Variants in ATP8A1 observed in about 807,000 individuals in gnomAD.
ATP8A1 encodes the protein ATPase phospholipid transporting 8A1.
Under a neutral mutation model 177.7 loss-of-function variants are expected in ATP8A1, and 90 were observed. The ratio of observed to expected loss-of-function variants is 0.51; its 90% CI spans 0.43 to 0.60. ATP8A1 has a LOEUF of 0.60. ATP8A1 is among the 20% of genes least tolerant of loss of function. The pLI, the probability that ATP8A1 is intolerant of heterozygous loss-of-function variation, is 0.00. For missense variants in ATP8A1, 1,072 were observed against 1,392.8 expected (o/e 0.77, Z 3.67); for synonymous variants, 493 against 485.9 (o/e 1.01, Z -0.19).
At chr4:42,513,190 G>A (rs748428452) in intron 22 of ATP8A1, among the ~76,000 whole-genome samples, 3 of 152,026 alleles carry the variant, frequency 2.0e-5, no homozygotes, top group Non-Finnish European at 2.9e-5. Context: ...TTCTCCCTTA[G>A]CCTGGCCTTA....
At chr4:42,436,983 A>T (rs62304290) in intron 33 of ATP8A1, among the ~76,000 whole-genome samples, 29,992 of 152,170 alleles carry the variant, frequency 0.2, 3,146 homozygotes, top group Non-Finnish European at 0.23. Context: ...TTCAACAAAG[A>T]TTTTTATTGT....
chr4:42,476,333 C>T (rs891837914), intron 25 of ATP8A1, among the ~76,000 whole-genome samples: 3 of 152,064 alleles, frequency 2.0e-5, no homozygotes, highest in Admixed American at 6.5e-5. Context: ...ACAGAAGAGG[C>T]GGGGTGCAGT....
Position 42,657,079 on chromosome 4 carries a change from G to C in ATP8A1, c.-206C>G. The C allele has an allele frequency of 2.3e-6, 1 of 428,304 alleles. No individual in the cohort carries two copies. The highest frequency in any genetic ancestry group is 3.9e-6 in the Non-Finnish European group (1 of 256,930). 26.5% of individuals were successfully genotyped at this position (428,304 alleles called of 1,614,324 possible). The stretch of plus-strand genomic sequence containing the variant: ...AGGCAGCGGTGGCGGCGAAGGTGGC[G>C]GCGCCCGCAGAGCTGGGCGAGCTCT... On this transcript the variant is annotated 5_prime_UTR_variant, in exon 1 of 37. Transcript: ENST00000381668.
In ATP8A1 at chr4:42,413,023, AATG is replaced by A; in HGVS notation, c.3398-13_3398-11del. On this transcript the variant is annotated splice_polypyrimidine_tract_variant and intron_variant, in intron 36 of 36. Coordinates refer to ENST00000381668, the MANE Select transcript of ATP8A1 (RefSeq NM_006095.2). ...GAGAACGCATACCCATCTGTAGGTT[AATG>A]ATAAAACAGAAATTCTCACAAAGGC... is the stretch of plus-strand genomic sequence containing the variant. The A allele has an allele frequency of 6.2e-7, 1 of 1,610,320 alleles. No individual in the cohort carries two copies. The highest frequency in any genetic ancestry group is 1.1e-5 in the South Asian group (1 of 90,838).
At chr4:42,472,069 T>A in intron 25 of ATP8A1, 1 of 720,342 alleles carries the variant, frequency 1.4e-6, no homozygotes, top group East Asian at 2.6e-5. Context: ...GAGAAAAAGT[T>A]CAGTGGGAAG....
At chr4:42,477,465 C>A (rs1425470874) in intron 25 of ATP8A1, among the ~76,000 whole-genome samples, 2 of 152,104 alleles carry the variant, frequency 1.3e-5, no homozygotes, top group Non-Finnish European at 2.9e-5. Flanking sequence ...ACGCCACAGC[C>A]AAGCAATCCC....
chr4:42,626,035 CAG>C, intron 2 of ATP8A1: 1 of 170,660 alleles, frequency 5.9e-6, no homozygotes, highest in Non-Finnish European at 1.2e-5. Flanking sequence ...CTCCATAAGA[CAG>C]AGTACAACGT....
chr4:42,610,047 C>T (rs1050269564), intron 5 of ATP8A1, among the ~76,000 whole-genome samples: 1 of 152,080 alleles, frequency 6.6e-6, no homozygotes. Flanking sequence ...GTCCTTTCAC[C>T]CTGCATCACT....
In ATP8A1 at chr4:42,412,968, G is replaced by A; in HGVS notation, c.3443C>T (p.Ser1148Phe). ...SQDENGIVSQ[S>F]EVIRAYDTTK... The stretch of plus-strand genomic sequence containing the variant: ...GGTATCATATGCTCTTATCACTTCA[G>A]ACTGTGAAACGATTCCATTTTCATC... Residue 1148 changes from serine (S) to phenylalanine (F), a missense_variant, in exon 37 of 37, where the codon TCT becomes TTT. By Grantham distance (155) the Ser-to-Phe change is radical. Transcript: ENST00000381668. The A allele has an allele frequency of 1.2e-6, 2 of 1,613,502 alleles. No individual in the cohort carries two copies. Among genetic ancestry groups the A allele is most frequent in the Non-Finnish European group, 1.7e-6 (2 of 1,179,632 alleles).
In ATP8A1 at chr4:42,636,156, A is replaced by ACACACACACACACGCGTGCGCGCGCG. The variant is rs565139270; in HGVS notation, c.50-9048_50-9047insCGCGCGCGCACGCGTGTGTGTGTGTG. 4.5e-3 allele frequency among the ~76,000 whole-genome samples: 411 copies of ACACACACACACACGCGTGCGCGCGCG among 90,950 alleles called. 7 individuals are homozygous for ACACACACACACACGCGTGCGCGCGCG. Among genetic ancestry groups the ACACACACACACACGCGTGCGCGCGCG allele is most frequent in the South Asian group, 0.019 (45 of 2,368 alleles). The allele number at this position is 90,950 out of a possible 152,430, so 59.7% of individuals were successfully genotyped here. On this transcript the variant is annotated intron_variant, in intron 1 of 36. Transcript: ENST00000381668. Reference sequence around the variant, plus strand: ...CACACACACACACACACACACACACACGCACACACACACACATAAGCTTCT... The same window carrying ACACACACACACACGCGTGCGCGCGCG: ...CACACACACACACACACACACACACACACACACACACACGCGTGCGCGCGCGCGCACACACACACACATAAGCTTCT...
chr4:42,528,478 C>T, intron 20 of ATP8A1, among the ~76,000 whole-genome samples: 1 of 152,230 alleles, frequency 6.6e-6, no homozygotes. Context: ...TGGGGAATGA[C>T]AGTGGATTAT....
At chr4:42,449,273 T>C (rs754225813) in intron 30 of ATP8A1, among the ~76,000 whole-genome samples, 4 of 152,246 alleles carry the variant, frequency 2.6e-5, no homozygotes, top group Non-Finnish European at 5.9e-5. Flanking sequence ...ATACTTCCCA[T>C]TTTGTCAAAT....
intron 1 of ATP8A1, among the ~76,000 whole-genome samples, chr4:42,641,407 G>A (rs1739981161): frequency 6.6e-6 from 1 of 152,074 alleles, no homozygotes; most frequent in Non-Finnish European, 1.5e-5. Context: ...CCTTCACTGT[G>A]AGGTATTCAA....
intron 33 of ATP8A1, among the ~76,000 whole-genome samples, chr4:42,442,855 G>C (rs1716780898): frequency 6.6e-6 from 1 of 152,162 alleles, no homozygotes; most frequent in Admixed American, 6.5e-5. Context: ...GAGGTCACAG[G>C]AAATCCCAAA....
chr4:42,609,541 A>G (rs11945348), intron 5 of ATP8A1, among the ~76,000 whole-genome samples: 34,206 of 152,122 alleles, frequency 0.22, 4,338 homozygotes, highest in Non-Finnish European at 0.29. Context: ...ATCTGGCTTC[A>G]GTTTTCAGAG....
chr4:42,414,863 T>C lies in ATP8A1; in HGVS notation c.3306-145A>G, dbSNP rs914859273. 10 of 643,546 alleles carry C rather than the reference T, an allele frequency of 1.6e-5. No homozygotes were observed. In the African/African-American group the frequency reaches 1.8e-4, roughly 12 times the overall value. The allele number at this position is 643,546 out of a possible 1,614,324, so 39.9% of individuals were successfully genotyped here. On this transcript the variant is annotated intron_variant, in intron 35 of 36. Coordinates refer to ENST00000381668, the MANE Select transcript of ATP8A1 (RefSeq NM_006095.2). ...CTAGTGATTCTTTTTACACATTTTCTCAGATAGCGAATGAAATTTCAAGTA... is the reference window on the plus strand; with the variant it reads ...CTAGTGATTCTTTTTACACATTTTCCCAGATAGCGAATGAAATTTCAAGTA...
intron 4 of ATP8A1, among the ~76,000 whole-genome samples, chr4:42,616,616 T>A (rs1053845120): frequency 6.6e-6 from 1 of 152,158 alleles, no homozygotes; most frequent in Non-Finnish European, 1.5e-5. Flanking sequence ...TGGCATACAG[T>A]CTCCCCTGTT....
chr4:42,553,356 G>A (rs1292881555), intron 16 of ATP8A1, among the ~76,000 whole-genome samples: 2 of 152,136 alleles, frequency 1.3e-5, no homozygotes, highest in Non-Finnish European at 2.9e-5. Flanking sequence ...AATGATTGAG[G>A]ATTTTTCTAT....
intron 1 of ATP8A1, among the ~76,000 whole-genome samples, chr4:42,639,015 A>T (rs748337755): frequency 6.6e-6 from 1 of 152,162 alleles, no homozygotes; most frequent in Non-Finnish European, 1.5e-5. Context: ...GCCATGTCAG[A>T]TATGTATTCT....
Sources: allele counts gnomAD v4.1 joint callset (sites outside exome capture counted in the v4.1 genomes callset), GRCh38; gene constraint gnomAD v4.1.1; transcripts MANE v1.5; gene names NCBI Gene and HGNC (gene_info 2026-07-23, HGNC 2026-07-21).